The following MCM6 variants were observed in gnomAD, a reference collection of about 807,000 sequenced individuals.
MCM6 encodes the protein DNA replication licensing factor MCM6.
Under a neutral mutation model 94.3 loss-of-function variants are expected in MCM6, and 46 were observed. The ratio of observed to expected loss-of-function variants is 0.49; its 90% CI spans 0.39 to 0.62. The LOEUF is 0.62. MCM6 is among the 20% of genes least tolerant of loss of function. The probability of loss-of-function intolerance (pLI) is 0.00; values close to 1 mark genes in which losing one functional copy is unlikely to be tolerated. For synonymous variants in MCM6, 335 were observed against 351.9 expected (o/e 0.95, Z 0.54); for missense variants, 865 against 1,017.9 (o/e 0.85, Z 2.04).
intron 4 of MCM6, among the ~76,000 whole-genome samples, chr2:135,867,587 T>G (rs1680122473): frequency 6.6e-6 from 1 of 152,242 alleles, no homozygotes; most frequent in Non-Finnish European, 1.5e-5. Flanking sequence ...CTTTCCATTT[T>G]GTATGTCCCA....
chr2:135,870,425 CCTA>C (rs1680179266), intron 2 of MCM6, 64 bp from the exon 3 acceptor site: 1 of 1,061,024 alleles, frequency 9.4e-7, no homozygotes, highest in Non-Finnish European at 1.5e-6. Flanking sequence ...CCTTTACATA[CCTA>C]CCAACAGCCG....
intron 1 of MCM6, among the ~76,000 whole-genome samples, chr2:135,873,379 A>C (rs1019605212): frequency 6.6e-6 from 1 of 152,236 alleles, no homozygotes; most frequent in Non-Finnish European, 1.5e-5. Context: ...GGAATTTGCA[A>C]ACTAACAAAT....
chr2:135,865,351 T>C (rs1455324278), intron 6 of MCM6, among the ~76,000 whole-genome samples, 188 bp from the exon 7 acceptor site: 4 of 152,012 alleles, frequency 2.6e-5, no homozygotes, highest in African/African-American at 9.7e-5. Flanking sequence ...CACTTAAGGG[T>C]ATGTCATTTG....
Position 135,876,306 on chromosome 2 carries a change from G to C in MCM6, c.60C>G (p.Asp20Glu). ...GTTTCTGGCACTTCTCGGCCACCTC[G>C]TCGCGGACCTCCAGGTGCTGGCTGC... ...GAGSQHLEVR[D>E]EVAEKCQKLF... is the part of the protein sequence containing the mutation. The change falls in exon 1 of 17, where the codon GAC becomes GAG. Residue 20 changes from aspartate to glutamate, a missense_variant. By Grantham distance (45) the Asp-to-Glu change is conservative (BLOSUM62 2). Around this residue, in one of 3 missense-constraint regions of MCM6, gnomAD observed 404 missense variants for 451.9 expected, o/e 0.89. Transcript: ENST00000264156. 7 of 1,611,372 alleles carry C rather than the reference G, an allele frequency of 4.3e-6. No individual in the cohort carries two copies. Among genetic ancestry groups the C allele is most frequent in the Non-Finnish European group, 5.9e-6 (7 of 1,179,516 alleles).
At chr2:135,858,869 T>C (rs1364350344) in intron 9 of MCM6, among the ~76,000 whole-genome samples, 1 of 147,978 alleles carries the variant, frequency 6.8e-6, no homozygotes, top group Non-Finnish European at 1.5e-5. Context: ...CTATGAATTA[T>C]TTACTAAAGA....
chr2:135,872,657 C>T (rs780373609), intron 2 of MCM6, 40 bp downstream of exon 2: 2 of 1,601,286 alleles, frequency 1.2e-6, no homozygotes, highest in South Asian at 2.2e-5. Flanking sequence ...TCCCGGATTT[C>T]AACCCCTATT....
chr2:135,859,539 T>C, intron 8 of MCM6, 97 bp from the exon 9 acceptor site: 1 of 778,486 alleles, frequency 1.3e-6, no homozygotes, highest in Non-Finnish European at 2.0e-6. Context: ...TGAAAGAACA[T>C]TTGAGAGCTT....
At position 135,876,330 on chromosome 2, in the gene MCM6, G is replaced by T; in HGVS notation, c.36C>A (p.Gly12=). The change falls in exon 1 of 17, where the codon GGC becomes GGA. Residue 12 remains glycine (G), a synonymous_variant. Coordinates refer to ENST00000264156, the MANE Select transcript of MCM6 (RefSeq NM_005915.6). ...DLAAAAEPGA[G]SQHLEVRDEV... is the part of the protein sequence containing the mutation. ...CGTCGCGGACCTCCAGGTGCTGGCTGCCGGCGCCCGGCTCCGCTGCCGCCG... is the reference window on the plus strand; with the variant it reads ...CGTCGCGGACCTCCAGGTGCTGGCTTCCGGCGCCCGGCTCCGCTGCCGCCG... 4.3e-6 allele frequency: 7 copies of T among 1,609,724 alleles called. No homozygotes were observed. Among genetic ancestry groups the T allele is most frequent in the Non-Finnish European group, 4.2e-6 (5 of 1,179,242 alleles).
chr2:135,859,282 G>C lies in MCM6; in HGVS notation c.1362+19C>G. ...GGTATTCTGACTTCTTTATACTGAA[G>C]AGTGTAAAATGTTCTTACATTATCA... On this transcript the variant is annotated intron_variant, in intron 9 of 16. Coordinates refer to ENST00000264156, the MANE Select transcript of MCM6 (RefSeq NM_005915.6). The C allele has an allele frequency of 6.2e-7, 1 of 1,601,716 alleles. No homozygotes were observed. The highest frequency in any genetic ancestry group is 8.5e-7 in the Non-Finnish European group (1 of 1,171,244).
At chr2:135,859,154 A>G (rs1679942643) in intron 9 of MCM6, 147 bp downstream of exon 9, 7 of 584,428 alleles carry the variant, frequency 1.2e-5, no homozygotes, top group East Asian at 3.2e-5. Context: ...TCGGCTTCCC[A>G]AAGTACTGGG....
intron 8 of MCM6, among the ~76,000 whole-genome samples, chr2:135,860,635 A>T (rs1459662358): frequency 6.6e-6 from 1 of 152,260 alleles, no homozygotes; most frequent in African/African-American, 2.4e-5. Context: ...AGATGTAGAA[A>T]AAGCATTTGA....
chr2:135,863,179 C>G (rs1266666090), intron 7 of MCM6, among the ~76,000 whole-genome samples: 2 of 152,192 alleles, frequency 1.3e-5, no homozygotes, highest in Non-Finnish European at 2.9e-5. Context: ...TAACACTTTT[C>G]TATCACCTAC....
At chr2:135,859,185 G>T in intron 9 of MCM6, 116 bp downstream of exon 9, 1 of 839,366 alleles carries the variant, frequency 1.2e-6, no homozygotes, top group Non-Finnish European at 1.8e-6. Context: ...GAGCCACCGC[G>T]CCCAGCTGAG....
chr2:135,857,969 G>A lies in MCM6; in HGVS notation c.1398C>T (p.Asp466=), dbSNP rs899188878. 26 of 1,613,634 alleles carry A rather than the reference G, an allele frequency of 1.6e-5. No homozygotes were observed. Among genetic ancestry groups the A allele is most frequent in the African/African-American group, 1.1e-4 (8 of 74,890 alleles). The change falls in exon 10 of 17, where the codon GAC becomes GAT. Residue 466 remains aspartate, a synonymous_variant. Coordinates refer to ENST00000264156, the MANE Select transcript of MCM6 (RefSeq NM_005915.6). Reference sequence around the variant, plus strand: ...CATGAATAGCAACTTGATCCCGCACGTCCATCTTATCAAATTCATCAATAC... The same window carrying A: ...CATGAATAGCAACTTGATCCCGCACATCCATCTTATCAAATTCATCAATAC... The part of the protein sequence containing the change: ...VCCIDEFDKM[D]VRDQVAIHEA...
intron 11 of MCM6, among the ~76,000 whole-genome samples, chr2:135,853,129 C>A (rs1679807616): frequency 6.6e-6 from 1 of 152,036 alleles, no homozygotes; most frequent in African/African-American, 2.4e-5. Context: ...TAAAACTATA[C>A]CTGAAGGAAT....
At chr2:135,859,953 G>A (rs959615405) in intron 8 of MCM6, among the ~76,000 whole-genome samples, 2 of 151,860 alleles carry the variant, frequency 1.3e-5, no homozygotes, top group East Asian at 1.9e-4. Context: ...ACAGGTGTGC[G>A]CCACTATGCC....
At chr2:135,866,325 T>C (rs1558762154) in intron 5 of MCM6, 48 bp from the exon 6 acceptor site, 4 of 1,602,344 alleles carry the variant, frequency 2.5e-6, no homozygotes, top group Non-Finnish European at 3.4e-6. Flanking sequence ...TTAAAGGTGC[T>C]GAACATCAAA....
chr2:135,844,707 A>T, intron 15 of MCM6, 23 bp from the exon 16 acceptor site: 2 of 1,521,322 alleles, frequency 1.3e-6, no homozygotes, highest in Non-Finnish European at 1.8e-6. Flanking sequence ...AACACATTCA[A>T]ATTATCCTAG....
intron 11 of MCM6, among the ~76,000 whole-genome samples, chr2:135,853,922 A>G (rs1019289926): frequency 1.3e-5 from 2 of 152,186 alleles, no homozygotes; most frequent in Non-Finnish European, 1.5e-5. Context: ...GCTTGAAATT[A>G]TTTCTAATTA....
Sources: allele counts gnomAD v4.1 joint callset (sites outside exome capture counted in the v4.1 genomes callset), GRCh38; gene constraint gnomAD v4.1.1; regional missense constraint gnomAD v4.1.1; transcripts MANE v1.5; gene names NCBI Gene and HGNC (gene_info 2026-07-23, HGNC 2026-07-21).